Variants in CPNE8 observed in about 807,000 individuals in gnomAD.
CPNE8 encodes copine-8.
Under a neutral mutation model 81.5 loss-of-function variants are expected in CPNE8, and 45 were observed. The observed-to-expected ratio is 0.55, with a 90% CI of 0.44 to 0.71. The LOEUF (loss-of-function observed/expected upper bound fraction) is 0.71. Ranked by LOEUF, CPNE8 falls within the 30% of genes least tolerant of loss-of-function variation. The probability of loss-of-function intolerance (pLI) is 0.00; values close to 1 mark genes in which losing one functional copy is unlikely to be tolerated. For synonymous variants in CPNE8, 252 were observed against 226.3 expected (o/e 1.11, Z -1.02); for missense variants, 594 against 672.1 (o/e 0.88, Z 1.28).
At chr12:38,784,128 G>A (rs1007089030) in intron 6 of CPNE8, among the ~76,000 whole-genome samples, 5 of 152,076 alleles carry the variant, frequency 3.3e-5, no homozygotes, top group African/African-American at 9.7e-5. Flanking sequence ...GACACAGAAA[G>A]TAATTCAGAA....
chr12:38,704,646 G>A (rs1330820561), intron 13 of CPNE8, among the ~76,000 whole-genome samples: 1 of 151,704 alleles, frequency 6.6e-6, no homozygotes, highest in Non-Finnish European at 1.5e-5. Context: ...ACACTGTGGA[G>A]CATCAGTTGT....
At chr12:38,663,670 T>A (rs1046567310) in intron 19 of CPNE8, among the ~76,000 whole-genome samples, 1 of 152,102 alleles carries the variant, frequency 6.6e-6, no homozygotes, top group Non-Finnish European at 1.5e-5. Flanking sequence ...AATAGCTGCA[T>A]TGCCATGTTT....
At position 38,704,826 on chromosome 12, in the gene CPNE8, G is replaced by GTATATATATGTGTGTATATATATA. The variant is rs58878926; in HGVS notation, c.915-1906_915-1905insTATATATATACACACATATATATA. ...GGACCATCTGTGTGTGTATGTATGTGTATATATATATATATATATATATAT... is the reference window on the plus strand; with the variant it reads ...GGACCATCTGTGTGTGTATGTATGTGTATATATATGTGTGTATATATATATATATATATATATATATATATATAT... On this transcript the variant is annotated intron_variant, in intron 13 of 19. Transcript: ENST00000331366. Among the ~76,000 whole-genome samples the GTATATATATGTGTGTATATATATA allele has an allele frequency of 9.6e-4, 48 of 50,190 alleles. 1 individual carries two copies. Among genetic ancestry groups the GTATATATATGTGTGTATATATATA allele is most frequent in the Admixed American group, 1.4e-3 (5 of 3,486 alleles). 32.9% of individuals were successfully genotyped at this position (50,190 alleles called of 152,430 possible).
chr12:38,659,618 G>A (rs916369179), intron 19 of CPNE8, among the ~76,000 whole-genome samples: 9 of 152,196 alleles, frequency 5.9e-5, no homozygotes, highest in African/African-American at 1.4e-4. Flanking sequence ...CACATCGCAC[G>A]TATTCCAAAA....
intron 1 of CPNE8, among the ~76,000 whole-genome samples, chr12:38,889,154 C>G (rs538778653): frequency 6.6e-6 from 1 of 151,984 alleles, no homozygotes; most frequent in East Asian, 1.9e-4. Flanking sequence ...GTGTTGGAGA[C>G]CATGATATGA....
intron 19 of CPNE8, among the ~76,000 whole-genome samples, chr12:38,668,370 T>C (rs976427115): frequency 6.6e-6 from 1 of 152,202 alleles, no homozygotes; most frequent in Admixed American, 6.5e-5. Flanking sequence ...AGTATATCTA[T>C]TGATTGATTA....
chr12:38,817,349 A>G (rs1024266463), intron 6 of CPNE8, among the ~76,000 whole-genome samples: 1 of 152,138 alleles, frequency 6.6e-6, no homozygotes, highest in African/African-American at 2.4e-5. Flanking sequence ...CTATATTTAG[A>G]CTGTCTTGGC....
intron 1 of CPNE8, among the ~76,000 whole-genome samples, chr12:38,893,784 A>G (rs1336131336): frequency 6.6e-6 from 1 of 152,230 alleles, no homozygotes; most frequent in African/African-American, 2.4e-5. Flanking sequence ...CAAAGATAAT[A>G]AATAACTTTT....
chr12:38,708,091 C>T (rs1298070760), intron 13 of CPNE8, among the ~76,000 whole-genome samples: 1 of 152,138 alleles, frequency 6.6e-6, no homozygotes, highest in Non-Finnish European at 1.5e-5. Flanking sequence ...TTGTTCAATG[C>T]CATGATTCCT....
At chr12:38,899,166 C>A (rs923857420) in intron 1 of CPNE8, among the ~76,000 whole-genome samples, 1 of 152,176 alleles carries the variant, frequency 6.6e-6, no homozygotes, top group African/African-American at 2.4e-5. Context: ...GTGTTATGAA[C>A]TGAATGTTTG....
chr12:38,713,750 A>G (rs1940319015), intron 13 of CPNE8, among the ~76,000 whole-genome samples: 1 of 152,164 alleles, frequency 6.6e-6, no homozygotes, highest in Non-Finnish European at 1.5e-5. Context: ...AACAAATCAT[A>G]CAAATAAACA....
intron 1 of CPNE8, among the ~76,000 whole-genome samples, chr12:38,875,746 G>A (rs2137111712): frequency 6.6e-6 from 1 of 152,266 alleles, no homozygotes; most frequent in East Asian, 1.9e-4. Flanking sequence ...CTAGAAAGGA[G>A]AAACATCAGA....
intron 10 of CPNE8, among the ~76,000 whole-genome samples, chr12:38,757,984 A>G (rs1941495575): frequency 6.6e-6 from 1 of 152,054 alleles, no homozygotes; most frequent in African/African-American, 2.4e-5. Flanking sequence ...AGCACTGCCA[A>G]TCTTCCCCCC....
At chr12:38,802,712 C>A (rs528714561) in intron 6 of CPNE8, among the ~76,000 whole-genome samples, 86 of 151,728 alleles carry the variant, frequency 5.7e-4, no homozygotes, top group African/African-American at 1.9e-3. Flanking sequence ...ATCAATGAAT[C>A]CAGGAGCTGG....
chr12:38,699,722 G>C (rs777541974), intron 14 of CPNE8, among the ~76,000 whole-genome samples: 1 of 151,646 alleles, frequency 6.6e-6, no homozygotes, highest in Non-Finnish European at 1.5e-5. Flanking sequence ...AAATTACTAT[G>C]AACTATAGCA....
chr12:38,852,758 G>A (rs909490640), intron 3 of CPNE8, among the ~76,000 whole-genome samples: 2 of 151,992 alleles, frequency 1.3e-5, no homozygotes, highest in Non-Finnish European at 2.9e-5. Context: ...TCAAGGTTCA[G>A]AAAATATATC....
chr12:38,783,713 A>G (rs535483341), intron 6 of CPNE8, among the ~76,000 whole-genome samples: 3 of 152,216 alleles, frequency 2.0e-5, no homozygotes, highest in Non-Finnish European at 4.4e-5. Flanking sequence ...AGGAAATAGA[A>G]CAAGAGTCTC....
At chr12:38,760,435 G>GTGTATATATATATA (rs1555154496) in intron 10 of CPNE8, among the ~76,000 whole-genome samples, 20 of 127,254 alleles carry the variant, frequency 1.6e-4, no homozygotes, top group South Asian at 7.2e-4. Flanking sequence ...TGTATGGTGT[G>GTGTATATATATATA]TATATATATA....
chr12:38,659,904 C>G lies in CPNE8; in HGVS notation c.1507-5834G>C, dbSNP rs140603039. The stretch of plus-strand genomic sequence containing the variant: ...ATAAAATATTTAGGAATCCAACTTA[C>G]AAGGGATGTGAAGGACCTCTTCAAG... On this transcript the variant is annotated intron_variant, in intron 19 of 19. Coordinates refer to ENST00000331366, the MANE Select transcript of CPNE8 (RefSeq NM_153634.3). Among the ~76,000 whole-genome samples, 1,268 of 152,244 alleles carry G rather than the reference C, an allele frequency of 8.3e-3. 21 individuals carry two copies. Among genetic ancestry groups the G allele is most frequent in the African/African-American group, 0.03 (1,231 of 41,538 alleles).
Sources: allele counts gnomAD v4.1 joint callset (sites outside exome capture counted in the v4.1 genomes callset), GRCh38; gene constraint gnomAD v4.1.1; transcripts MANE v1.5; gene names NCBI Gene and HGNC (gene_info 2026-07-23, HGNC 2026-07-21).